MERTK: variants seen among roughly 807,000 people sequenced by gnomAD.
MERTK encodes the protein MER proto-oncogene, tyrosine kinase.
MERTK carries 69 observed loss-of-function variants against 99.3 expected under a neutral mutation model. The ratio of observed to expected loss-of-function variants is 0.70; its 90% CI spans 0.57 to 0.85. MERTK has a LOEUF of 0.85. MERTK is among the 40% of genes least tolerant of loss of function. The probability of loss-of-function intolerance (pLI) is 0.00; values close to 1 mark genes in which losing one functional copy is unlikely to be tolerated. For missense variants in MERTK, 1,125 were observed against 1,249.4 expected (o/e 0.90, Z 1.50); for synonymous variants, 426 against 467.6 (o/e 0.91, Z 1.15).
At chr2:112,023,136 C>G (rs187911804) in intron 18 of MERTK, among the ~76,000 whole-genome samples, 3 of 151,966 alleles carry the variant, frequency 2.0e-5, no homozygotes, top group Non-Finnish European at 4.4e-5. Context: ...AAAATAAGGC[C>G]GAGTGCGGTG....
intron 18 of MERTK, among the ~76,000 whole-genome samples, chr2:112,027,622 C>G (rs1677494292): frequency 6.6e-6 from 1 of 152,122 alleles, no homozygotes. Context: ...GTTGTCCAAT[C>G]TGAATCTGAA....
intron 2 of MERTK, among the ~76,000 whole-genome samples, chr2:111,930,945 T>G (rs1292068244): frequency 6.6e-6 from 1 of 152,208 alleles, no homozygotes; most frequent in African/African-American, 2.4e-5. Flanking sequence ...CCTGTGGTTG[T>G]TAAAAGCACA....
intron 4 of MERTK, among the ~76,000 whole-genome samples, chr2:111,954,670 C>A (rs1685116724): frequency 1.3e-5 from 2 of 152,184 alleles, no homozygotes; most frequent in Non-Finnish European, 1.5e-5. Flanking sequence ...AAACTCTTAT[C>A]TCTTTTCTCA....
chr2:111,989,118 T>C (rs542410518), intron 8 of MERTK, among the ~76,000 whole-genome samples: 23 of 152,210 alleles, frequency 1.5e-4, no homozygotes, highest in Non-Finnish European at 1.9e-4. Flanking sequence ...CAGGCGCCCC[T>C]GGCTTTCTTC....
At chr2:112,016,388 C>G (rs1281578722) in intron 15 of MERTK, among the ~76,000 whole-genome samples, 1 of 152,120 alleles carries the variant, frequency 6.6e-6, no homozygotes, top group Admixed American at 6.6e-5. Flanking sequence ...TTAGTAGCCA[C>G]AGATAAGGTG....
In MERTK at chr2:111,916,461, C is replaced by T. The variant is rs192185742; in HGVS notation, c.62-12659C>T. Among the ~76,000 whole-genome samples, 15 of 152,146 alleles carry T rather than the reference C, an allele frequency of 9.9e-5. No individual in the cohort carries two copies. The East Asian group carries it at 2.3e-3, about 23-fold the overall frequency. ...TTTGTTTTTAGTATACCGATTCTTT[C>T]TTTTGTTCCCCTTTCATTTTACTGT... On this transcript the variant is annotated intron_variant, in intron 1 of 18. Coordinates refer to ENST00000295408, the MANE Select transcript of MERTK (RefSeq NM_006343.3).
At chr2:111,965,908 A>G (rs1471919725) in intron 5 of MERTK, among the ~76,000 whole-genome samples, 1 of 152,204 alleles carries the variant, frequency 6.6e-6, no homozygotes, top group Non-Finnish European at 1.5e-5. Flanking sequence ...GTGAGTTATG[A>G]TAATAGAATT....
chr2:111,939,981 T>C (rs1360259910), intron 2 of MERTK, among the ~76,000 whole-genome samples: 3 of 152,166 alleles, frequency 2.0e-5, no homozygotes, highest in Non-Finnish European at 4.4e-5. Flanking sequence ...CCCTTCTGCC[T>C]CTGTCTAATC....
At chr2:112,016,551 T>C (rs1333281939) in intron 15 of MERTK, among the ~76,000 whole-genome samples, 2 of 152,182 alleles carry the variant, frequency 1.3e-5, no homozygotes, top group African/African-American at 4.8e-5. Flanking sequence ...TCAATGTATT[T>C]AAACATGCTT....
chr2:111,997,051 A>C, intron 9 of MERTK: 1 of 460,388 alleles, frequency 2.2e-6, no homozygotes, highest in Non-Finnish European at 3.9e-6. Context: ...ATTTTTAATT[A>C]ATAATTGAAA....
intron 4 of MERTK, among the ~76,000 whole-genome samples, chr2:111,958,548 T>G (rs892830200): frequency 6.6e-5 from 10 of 152,220 alleles, no homozygotes; most frequent in South Asian, 6.2e-4. Flanking sequence ...CTTTGGCCTA[T>G]GGGCACCAAC....
At chr2:111,900,446 T>C (rs1684021585) in intron 1 of MERTK, among the ~76,000 whole-genome samples, 1 of 152,200 alleles carries the variant, frequency 6.6e-6, no homozygotes, top group African/African-American at 2.4e-5. Flanking sequence ...AAATCTGTTA[T>C]TTGTTGCTAC....
At chr2:111,954,544 A>G (rs1319514039) in intron 4 of MERTK, among the ~76,000 whole-genome samples, 2 of 152,252 alleles carry the variant, frequency 1.3e-5, no homozygotes, top group Non-Finnish European at 2.9e-5. Context: ...GAATGAATGA[A>G]CTAATGAGCA....
Position 112,010,382 on chromosome 2 carries a change from G to A in MERTK, c.2079+316G>A, listed in dbSNP as rs575636468. 1.1e-3 allele frequency: 357 copies of A among 321,928 alleles called. 2 individuals carry two copies. The highest frequency in any genetic ancestry group is 7.3e-3 in the African/African-American group (344 of 47,170). 19.9% of individuals were successfully genotyped at this position (321,928 alleles called of 1,614,324 possible). On this transcript the variant is annotated intron_variant, in intron 15 of 18. Coordinates refer to ENST00000295408, the MANE Select transcript of MERTK (RefSeq NM_006343.3). ...AACCCTCATGGCCGCATACTCCCCA[G>A]AGCTTGCAGACTATGGGAAGGCCAT...
intron 9 of MERTK, chr2:111,994,625 T>A: frequency 3.4e-6 from 2 of 585,076 alleles, no homozygotes; most frequent in Non-Finnish European, 6.2e-6. Flanking sequence ...TATGTATTTT[T>A]AAAATTTGCT....
At chr2:111,988,068 C>T (rs1315750635) in intron 8 of MERTK, among the ~76,000 whole-genome samples, 2 of 150,542 alleles carry the variant, frequency 1.3e-5, no homozygotes, top group Non-Finnish European at 2.9e-5. Flanking sequence ...CGGCTCACTG[C>T]AACATCTGCC....
At chr2:111,916,928 A>G (rs898614184) in intron 1 of MERTK, among the ~76,000 whole-genome samples, 18 of 151,930 alleles carry the variant, frequency 1.2e-4, no homozygotes, top group South Asian at 6.2e-4. Flanking sequence ...GAGTGTGGGG[A>G]TATCTTCATT....
chr2:111,942,174 G>A (rs915738374), intron 2 of MERTK, among the ~76,000 whole-genome samples: 2 of 152,170 alleles, frequency 1.3e-5, no homozygotes, highest in Non-Finnish European at 2.9e-5. Flanking sequence ...AGGCAGAGCC[G>A]GTCTTCAAAG....
At chr2:111,904,178 C>G (rs971936686) in intron 1 of MERTK, among the ~76,000 whole-genome samples, 1 of 152,168 alleles carries the variant, frequency 6.6e-6, no homozygotes, top group African/African-American at 2.4e-5. Context: ...CATACCTTCC[C>G]TTATGGAGTT....
Sources: allele counts gnomAD v4.1 joint callset (sites outside exome capture counted in the v4.1 genomes callset), GRCh38; gene constraint gnomAD v4.1.1; transcripts MANE v1.5; gene names NCBI Gene and HGNC (gene_info 2026-07-23, HGNC 2026-07-21).